Variants in SYNJ2 observed in about 807,000 individuals in gnomAD.
SYNJ2 encodes the protein synaptojanin 2, also known as polyphosphatidylinositol phosphatase SYNJ2.
Under a neutral mutation model 141.3 loss-of-function variants are expected in SYNJ2, and 116 were observed. That is an observed-to-expected ratio of 0.82 (90% CI 0.71 to 0.96). SYNJ2 has a LOEUF of 0.96. SYNJ2 is among the 40% of genes least tolerant of loss of function. The pLI is 0.00. For synonymous variants in SYNJ2, 745 were observed against 777.7 expected (o/e 0.96, Z 0.70); for missense variants, 1,873 against 1,934.8 (o/e 0.97, Z 0.60).
intron 16 of SYNJ2, among the ~76,000 whole-genome samples, chr6:158,074,966 AG>A (rs1234403520): frequency 2.8e-5 from 4 of 145,018 alleles, no homozygotes; most frequent in Non-Finnish European, 6.0e-5. Flanking sequence ...AGTCTTGTTC[AG>A]TCACCCAGGT....
chr6:158,030,974 A>G (rs1779330840), intron 3 of SYNJ2: 1 of 152,242 alleles, frequency 6.6e-6, no homozygotes, highest in Non-Finnish European at 1.5e-5. Flanking sequence ...CTGGGATGGC[A>G]GGTCTGGGCT....
At chr6:158,012,482 C>T (rs781446544) in intron 1 of SYNJ2, among the ~76,000 whole-genome samples, 2 of 152,096 alleles carry the variant, frequency 1.3e-5, no homozygotes, top group African/African-American at 2.4e-5. Context: ...AGGAAGGAGC[C>T]GAGAGCCAAG....
At chr6:158,064,261 T>C (rs954177552) in intron 9 of SYNJ2, among the ~76,000 whole-genome samples, 1 of 151,984 alleles carries the variant, frequency 6.6e-6, no homozygotes, top group Non-Finnish European at 1.5e-5. Flanking sequence ...AGCTGCCTGG[T>C]TGACCTCTCC....
intron 16 of SYNJ2, among the ~76,000 whole-genome samples, chr6:158,075,557 C>T (rs1346182924): frequency 1.3e-5 from 2 of 151,784 alleles, no homozygotes; most frequent in African/African-American, 4.8e-5. Flanking sequence ...AGGAGAATCG[C>T]TTGAACCTGG....
At chr6:158,092,429 C>A (rs138877074) in intron 25 of SYNJ2, among the ~76,000 whole-genome samples, 1,832 of 152,246 alleles carry the variant, frequency 0.012, 42 homozygotes, top group African/African-American at 0.042. Context: ...CTGCTTGAAT[C>A]CAGGAGTTCG....
chr6:158,024,930 C>T (rs1406451252), intron 2 of SYNJ2, among the ~76,000 whole-genome samples: 9 of 152,218 alleles, frequency 5.9e-5, no homozygotes, highest in Non-Finnish European at 1.2e-4. Context: ...TTAGAATACA[C>T]TGCACAATAT....
intron 1 of SYNJ2, chr6:158,002,371 T>G (rs1777896312): frequency 6.6e-6 from 1 of 152,170 alleles, no homozygotes; most frequent in Non-Finnish European, 1.5e-5. Flanking sequence ...TGTGTGAATG[T>G]GTTCATGTTC....
chr6:158,072,320 G>T (rs929879468), intron 15 of SYNJ2, among the ~76,000 whole-genome samples: 2 of 152,208 alleles, frequency 1.3e-5, no homozygotes, highest in Non-Finnish European at 1.5e-5. Flanking sequence ...CTGCAATAGC[G>T]AACCGCACAC....
intron 1 of SYNJ2, among the ~76,000 whole-genome samples, chr6:157,999,095 T>C (rs1057409361): frequency 2.6e-5 from 4 of 152,198 alleles, no homozygotes; most frequent in Non-Finnish European, 5.9e-5. Context: ...CTATAGATCA[T>C]GAAGAAGGAA....
In SYNJ2 at chr6:158,066,649, C is replaced by G. The variant is rs1426411344; in HGVS notation, c.1717+14C>G. ...CCGACTCCCAGGGTGAGGGCAGTGA[C>G]TTTGGGGGAGACAAAATCCAATTGC... On this transcript the variant is annotated intron_variant, in intron 12 of 26. Coordinates refer to ENST00000355585, the MANE Select transcript of SYNJ2 (RefSeq NM_003898.4). 2 of 1,611,666 alleles carry G rather than the reference C, an allele frequency of 1.2e-6. No homozygotes were observed. Among genetic ancestry groups the G allele is most frequent in the South Asian group, 2.2e-5 (2 of 91,078 alleles).
chr6:157,986,998 G>A (rs1368236592), intron 1 of SYNJ2, among the ~76,000 whole-genome samples: 1 of 150,736 alleles, frequency 6.6e-6, no homozygotes, highest in Non-Finnish European at 1.5e-5. Context: ...AATTATTATC[G>A]TTTTTTGAGA....
At chr6:157,987,733 T>G (rs1777259463) in intron 1 of SYNJ2, among the ~76,000 whole-genome samples, 1 of 152,218 alleles carries the variant, frequency 6.6e-6, no homozygotes, top group Non-Finnish European at 1.5e-5. Context: ...CATTTGAAAT[T>G]TACTCTCCTA....
intron 12 of SYNJ2, 151 bp downstream of exon 12, chr6:158,066,786 A>C: frequency 1.1e-6 from 1 of 892,020 alleles, no homozygotes; most frequent in Non-Finnish European, 1.7e-6. Context: ...CCTGACTCTC[A>C]AGAATGCTGC....
At chr6:157,998,983 C>T (rs1170299742) in intron 1 of SYNJ2, among the ~76,000 whole-genome samples, 2 of 152,112 alleles carry the variant, frequency 1.3e-5, no homozygotes, top group East Asian at 3.8e-4. Flanking sequence ...ACACCATAAA[C>T]GTAGTGAAAA....
At chr6:158,009,956 G>T (rs923256138) in intron 1 of SYNJ2, among the ~76,000 whole-genome samples, 1 of 152,208 alleles carries the variant, frequency 6.6e-6, no homozygotes, top group African/African-American at 2.4e-5. Flanking sequence ...TTGTTTATTT[G>T]TTTTTGAGAC....
chr6:158,011,822 C>G (rs975291896), intron 1 of SYNJ2, among the ~76,000 whole-genome samples: 1 of 152,244 alleles, frequency 6.6e-6, no homozygotes, highest in South Asian at 2.1e-4. Flanking sequence ...CTCCTTGTTT[C>G]GTGGTTCACA....
chr6:158,078,505 A>C, intron 18 of SYNJ2: 6 of 337,320 alleles, frequency 1.8e-5, no homozygotes, highest in Non-Finnish European at 2.7e-5. Context: ...CCATATCATA[A>C]ATGACATCAT....
intron 5 of SYNJ2, among the ~76,000 whole-genome samples, chr6:158,050,272 C>A (rs1780495258): frequency 6.6e-6 from 1 of 152,240 alleles, no homozygotes; most frequent in African/African-American, 2.4e-5. Flanking sequence ...CTGGCCCCAC[C>A]CCTGGAGAGT....
Position 158,096,166 on chromosome 6 carries a change from T to C in SYNJ2, c.4293T>C (p.Ser1431=). The change falls in exon 27 of 27, where the codon TCT becomes TCC. Residue 1431 remains serine (S), a synonymous_variant. Coordinates refer to ENST00000355585, the MANE Select transcript of SYNJ2 (RefSeq NM_003898.4). ...HPKLLNNTWL[S]KSSDPLDSGT... ...AACTGTTGAATAACACTTGGCTTTC[T>C]AAGAGCTCAGACCCTTTGGACTCAG... 1 of 1,614,248 alleles carries C rather than the reference T, an allele frequency of 6.2e-7. No individual in the cohort carries two copies. Among genetic ancestry groups the C allele is most frequent in the Non-Finnish European group, 8.5e-7 (1 of 1,180,040 alleles).
Sources: gnomAD v4.1 joint callset for allele counts (sites outside exome capture counted in the v4.1 genomes callset) on GRCh38, gnomAD v4.1.1 for gene constraint, MANE v1.5 for transcripts, NCBI Gene and HGNC (gene_info 2026-07-23, HGNC 2026-07-21) for gene names.